The following FHOD3 variants were observed in gnomAD, a reference collection of about 807,000 sequenced individuals.
FHOD3 encodes FH1/FH2 domain-containing protein 3.
In FHOD3, 90 loss-of-function variants were observed where a neutral mutation model predicts 173.0. The observed-to-expected ratio is 0.52, with a 90% CI of 0.44 to 0.62. FHOD3 has a LOEUF of 0.62. Among genes scored for constraint, FHOD3 ranks in the 20% least tolerant of loss-of-function variants. The pLI, the probability that FHOD3 is intolerant of heterozygous loss-of-function variation, is 0.00. For synonymous variants in FHOD3, 828 were observed against 823.0 expected (o/e 1.01, Z -0.10); for missense variants, 1,945 against 2,034.7 (o/e 0.96, Z 0.85).
At chr18:36,360,278 G>A (rs945023955) in intron 2 of FHOD3, among the ~76,000 whole-genome samples, 4 of 152,248 alleles carry the variant, frequency 2.6e-5, no homozygotes, top group Non-Finnish European at 2.9e-5. Flanking sequence ...ATGAGGACCA[G>A]TGTGGTGGCT....
chr18:36,651,349 G>C (rs566916072), intron 11 of FHOD3, among the ~76,000 whole-genome samples: 1 of 152,282 alleles, frequency 6.6e-6, no homozygotes, highest in South Asian at 2.1e-4. Context: ...GTTTAACATA[G>C]ATTCCCAGGT....
intron 6 of FHOD3, among the ~76,000 whole-genome samples, chr18:36,587,383 G>T (rs1236606938): frequency 6.6e-6 from 1 of 152,184 alleles, no homozygotes; most frequent in Non-Finnish European, 1.5e-5. Context: ...CTGACCTCAG[G>T]CATCGTATTT....
chr18:36,479,597 GTA>G (rs3056806), intron 3 of FHOD3, among the ~76,000 whole-genome samples: 107,330 of 150,568 alleles, frequency 0.71, 39,422 homozygotes, highest in East Asian at 0.94. Context: ...GTACTATAAA[GTA>G]TATATATATA....
At chr18:36,452,836 A>G (rs183844181) in intron 3 of FHOD3, among the ~76,000 whole-genome samples, 1 of 151,988 alleles carries the variant, frequency 6.6e-6, no homozygotes, top group East Asian at 1.9e-4. Context: ...ATGTGTGTGT[A>G]TGTATATATA....
intron 3 of FHOD3, among the ~76,000 whole-genome samples, chr18:36,454,985 GTATC>G (rs1334391274): frequency 1.3e-5 from 2 of 152,096 alleles, no homozygotes; most frequent in African/African-American, 2.4e-5. Context: ...ACATGCCCAT[GTATC>G]TCTGTTTGCT....
intron 2 of FHOD3, among the ~76,000 whole-genome samples, chr18:36,369,490 C>G (rs978983658): frequency 1.6e-5 from 2 of 122,582 alleles, no homozygotes; most frequent in African/African-American, 7.1e-5. Flanking sequence ...CACACACACA[C>G]ACACACACAT....
chr18:36,480,381 C>T (rs2053819112), intron 3 of FHOD3, among the ~76,000 whole-genome samples: 2 of 152,176 alleles, frequency 1.3e-5, no homozygotes, highest in Non-Finnish European at 2.9e-5. Flanking sequence ...GTCCAATATC[C>T]ATCTAAAGTT....
At chr18:36,531,331 G>C (rs1256560525) in intron 5 of FHOD3, among the ~76,000 whole-genome samples, 2 of 152,246 alleles carry the variant, frequency 1.3e-5, no homozygotes, top group Non-Finnish European at 2.9e-5. Context: ...TCCCTCCCGA[G>C]GGATGCTCTT....
chr18:36,696,961 T>C (rs1045068487), intron 17 of FHOD3, among the ~76,000 whole-genome samples: 3 of 152,224 alleles, frequency 2.0e-5, no homozygotes, highest in Admixed American at 2.0e-4. Flanking sequence ...ACTTAGTAAG[T>C]TTATTTCCTA....
At chr18:36,610,064 G>T (rs2032515815) in intron 8 of FHOD3, among the ~76,000 whole-genome samples, 1 of 152,216 alleles carries the variant, frequency 6.6e-6, no homozygotes, top group Admixed American at 6.5e-5. Flanking sequence ...CTCCCAGAAA[G>T]GTGAAAGGGG....
At chr18:36,527,950 G>A (rs1254555848) in intron 5 of FHOD3, among the ~76,000 whole-genome samples, 4 of 152,174 alleles carry the variant, frequency 2.6e-5, no homozygotes, top group Middle Eastern at 3.4e-3. Flanking sequence ...GCAGTCCTTC[G>A]TAAATACCCT....
At chr18:36,546,884 A>G (rs2057431350) in intron 5 of FHOD3, among the ~76,000 whole-genome samples, 1 of 152,202 alleles carries the variant, frequency 6.6e-6, no homozygotes. Context: ...CAAATCATCC[A>G]TTCTTTTTCC....
intron 3 of FHOD3, among the ~76,000 whole-genome samples, chr18:36,479,658 A>G (rs2053774715): frequency 6.6e-6 from 1 of 152,168 alleles, no homozygotes; most frequent in Non-Finnish European, 1.5e-5. Context: ...AATAGCCATT[A>G]TTCTTAGACA....
At chr18:36,560,305 G>A (rs766948593) in intron 5 of FHOD3, among the ~76,000 whole-genome samples, 7 of 152,294 alleles carry the variant, frequency 4.6e-5, no homozygotes, top group South Asian at 2.1e-4. Context: ...ACATAGTTGC[G>A]AGACCTTGGA....
intron 3 of FHOD3, among the ~76,000 whole-genome samples, chr18:36,454,174 G>A (rs1051765313): frequency 1.3e-5 from 2 of 151,956 alleles, no homozygotes; most frequent in African/African-American, 2.4e-5. Flanking sequence ...TCCTGAGGTC[G>A]ACCCTCACAT....
At chr18:36,646,938 A>G (rs1189741540) in intron 10 of FHOD3, among the ~76,000 whole-genome samples, 1 of 152,246 alleles carries the variant, frequency 6.6e-6, no homozygotes, top group African/African-American at 2.4e-5. Flanking sequence ...GGCAAATGAT[A>G]TTAAAAACAC....
At chr18:36,304,566 T>C (rs1555663120) in intron 1 of FHOD3, among the ~76,000 whole-genome samples, 1 of 152,210 alleles carries the variant, frequency 6.6e-6, no homozygotes, top group Non-Finnish European at 1.5e-5. Flanking sequence ...ATTTTTTTTT[T>C]CATACCTCCA....
At chr18:36,406,351 T>C (rs2049064449) in intron 3 of FHOD3, among the ~76,000 whole-genome samples, 1 of 152,248 alleles carries the variant, frequency 6.6e-6, no homozygotes, top group Admixed American at 6.5e-5. Context: ...GTTTTATTAC[T>C]CTTACGTTTT....
At chr18:36,348,036 G>A (rs1197571899) in intron 1 of FHOD3, among the ~76,000 whole-genome samples, 1 of 152,172 alleles carries the variant, frequency 6.6e-6, no homozygotes, top group Admixed American at 6.5e-5. Flanking sequence ...TATGGGTTAT[G>A]GGGGAATCAT....
Sources: allele counts gnomAD v4.1 joint callset (sites outside exome capture counted in the v4.1 genomes callset), GRCh38; gene constraint gnomAD v4.1.1; transcripts MANE v1.5; gene names NCBI Gene and HGNC (gene_info 2026-07-23, HGNC 2026-07-21).